Variants in XPOT observed in about 807,000 individuals in gnomAD.
XPOT encodes the protein exportin for tRNA, also known as exportin-T.
XPOT carries 34 observed loss-of-function variants against 128.2 expected under a neutral mutation model. The ratio of observed to expected loss-of-function variants is 0.27; its 90% CI spans 0.20 to 0.35. The LOEUF (loss-of-function observed/expected upper bound fraction) is 0.35, where lower values mean the gene tolerates loss of function less well. Ranked by LOEUF, XPOT falls within the 10% of genes least tolerant of loss-of-function variation. XPOT has a pLI of 1.00. For missense variants in XPOT, 838 were observed against 1,125.3 expected (o/e 0.74, Z 3.65); for synonymous variants, 348 against 394.3 (o/e 0.88, Z 1.39).
In XPOT at chr12:64,446,413, A is replaced by G. The variant is rs115111878; in HGVS notation, c.2862+1282A>G. 8.9e-3 allele frequency among the ~76,000 whole-genome samples: 1,357 copies of G among 152,262 alleles called. 19 individuals are homozygous for G. Among genetic ancestry groups the G allele is most frequent in the African/African-American group, 0.03 (1,266 of 41,556 alleles). ...GTGTTCACTCCTCCCTTCACATCTG[A>G]TTGATCCTCAGATCTTGCAGATTCT... On this transcript the variant is annotated intron_variant, in intron 24 of 24. Coordinates refer to ENST00000332707, the MANE Select transcript of XPOT (RefSeq NM_007235.6).
At chr12:64,409,768 T>G (rs1592523320) in intron 1 of XPOT, 194 bp from the exon 2 acceptor site, 3 of 400,326 alleles carry the variant, frequency 7.5e-6, no homozygotes, top group East Asian at 4.3e-5. Context: ...GAATTACACA[T>G]TAGTGGAGTA....
chr12:64,420,669 A>G (rs1472755835), intron 8 of XPOT, 148 bp downstream of exon 8: 3 of 606,478 alleles, frequency 4.9e-6, no homozygotes, highest in Non-Finnish European at 5.5e-6. Flanking sequence ...TCTAGCCAAA[A>G]TGTTCTCAGT....
intron 1 of XPOT, chr12:64,409,655 A>C (rs1387680881): frequency 5.9e-6 from 1 of 168,900 alleles, no homozygotes; most frequent in African/African-American, 2.4e-5. Context: ...GAATGGCGTG[A>C]ACCTGGGACA....
intron 1 of XPOT, among the ~76,000 whole-genome samples, chr12:64,405,919 C>T (rs1162464768): frequency 6.7e-6 from 1 of 149,934 alleles, no homozygotes; most frequent in East Asian, 2.0e-4. Context: ...CCCGGCCTTC[C>T]ACTGCATATT....
chr12:64,439,296 T>C lies in XPOT; in HGVS notation c.2786T>C (p.Val929Ala). The change falls in exon 23 of 25, where the codon GTA (valine) becomes GCA (alanine). Residue 929 changes from valine (V) to alanine (A), a missense_variant. Physicochemically the swap from Val to Ala is moderately conservative, Grantham distance 64 (BLOSUM62 0). Coordinates refer to ENST00000332707, the MANE Select transcript of XPOT (RefSeq NM_007235.6). ...CAAGAATACCTGCCCTCCTTGCAAG[T>C]AGCTCCAGAAATAATTCAGGTAAGA... is the stretch of plus-strand genomic sequence containing the variant. ...LQQEYLPSLQ[V>A]APEIIQEFCQ... 1 of 1,613,430 alleles carries C rather than the reference T, an allele frequency of 6.2e-7. No individual in the cohort carries two copies. The highest frequency in any genetic ancestry group is 8.5e-7 in the Non-Finnish European group (1 of 1,179,462).
At chr12:64,445,004 T>G (rs1260753648) in intron 23 of XPOT, 71 bp from the exon 24 acceptor site, 3 of 1,235,778 alleles carry the variant, frequency 2.4e-6, no homozygotes, top group Non-Finnish European at 3.4e-6. Context: ...AAAAAAAAAC[T>G]GGATACGAAT....
At chr12:64,446,530 G>T (rs1441932090) in intron 24 of XPOT, among the ~76,000 whole-genome samples, 1 of 151,894 alleles carries the variant, frequency 6.6e-6, no homozygotes, top group Non-Finnish European at 1.5e-5. Context: ...TAGCCAGGCT[G>T]ATGTGTTTGA....
chr12:64,412,293 G>A (rs2040045569), intron 2 of XPOT, among the ~76,000 whole-genome samples: 1 of 151,970 alleles, frequency 6.6e-6, no homozygotes, highest in African/African-American at 2.4e-5. Context: ...CCAAAGTGCT[G>A]GGATTACAGG....
At chr12:64,419,152 G>T in intron 6 of XPOT, 58 bp downstream of exon 6, 1 of 1,395,662 alleles carries the variant, frequency 7.2e-7, no homozygotes, top group Non-Finnish European at 9.9e-7. Context: ...GTGATAATGG[G>T]CACATAATAA....
intron 15 of XPOT, among the ~76,000 whole-genome samples, chr12:64,426,341 C>T (rs981355537): frequency 6.6e-6 from 1 of 150,604 alleles, no homozygotes; most frequent in Non-Finnish European, 1.5e-5. Flanking sequence ...ACACATACAT[C>T]ATGAAATACT....
chr12:64,420,342 C>T lies in XPOT; in HGVS notation c.675-11C>T. On this transcript the variant is annotated splice_polypyrimidine_tract_variant and intron_variant, in intron 7 of 24. Coordinates refer to ENST00000332707, the MANE Select transcript of XPOT (RefSeq NM_007235.6). Reference sequence around the variant, plus strand: ...TTTGAAAATGTTACAATTTTATTGTCCCATTACCAGGTTTATAAATATGCT... The same window carrying T: ...TTTGAAAATGTTACAATTTTATTGTTCCATTACCAGGTTTATAAATATGCT... 1.2e-6 allele frequency: 2 copies of T among 1,607,804 alleles called. No individual in the cohort carries two copies. Among genetic ancestry groups the T allele is most frequent in the Non-Finnish European group, 1.7e-6 (2 of 1,177,668 alleles).
intron 14 of XPOT, 62 bp from the exon 15 acceptor site, chr12:64,425,753 A>G: frequency 2.0e-6 from 3 of 1,509,828 alleles, no homozygotes; most frequent in Non-Finnish European, 2.8e-6. Flanking sequence ...AAAATGTAGC[A>G]GGACAATATC....
chr12:64,425,268 T>A, intron 13 of XPOT, 70 bp from the exon 14 acceptor site: 1 of 1,609,804 alleles, frequency 6.2e-7, no homozygotes, highest in Non-Finnish European at 8.5e-7. Flanking sequence ...GAGCTTAGTA[T>A]ATGTTAATAC....
At chr12:64,429,617 T>G (rs1174559069) in intron 16 of XPOT, among the ~76,000 whole-genome samples, 3 of 152,030 alleles carry the variant, frequency 2.0e-5, no homozygotes, top group Non-Finnish European at 4.4e-5. Context: ...ATTTTTGTAT[T>G]TTTAGTAGAG....
intron 3 of XPOT, among the ~76,000 whole-genome samples, chr12:64,415,223 A>T (rs1468478232): frequency 6.6e-6 from 1 of 151,870 alleles, no homozygotes; most frequent in East Asian, 1.9e-4. Context: ...TATATTGTGT[A>T]CCTGTCACCA....
At position 64,449,650 on chromosome 12, in the gene XPOT, T is replaced by TA. The variant is rs1440313985; in HGVS notation, c.*1520dup. Reference sequence around the variant, plus strand: ...CAGAAGACATTTCAAACATTTTTCTTACACCATATAATAAAAATACTTAAC... The same window carrying TA: ...CAGAAGACATTTCAAACATTTTTCTTAACACCATATAATAAAAATACTTAAC... On this transcript the variant is annotated 3_prime_UTR_variant, in exon 25 of 25. Transcript: ENST00000332707. 2.6e-5 allele frequency: 4 copies of TA among 152,350 alleles called. No homozygotes were observed. The highest frequency in any genetic ancestry group is 3.4e-3 in the Middle Eastern group (1 of 294). 9.4% of individuals were successfully genotyped at this position (152,350 alleles called of 1,614,324 possible).
chr12:64,425,596 T>C (rs1391630581), intron 14 of XPOT, 139 bp downstream of exon 14: 8 of 1,161,686 alleles, frequency 6.9e-6, no homozygotes, highest in Admixed American at 2.4e-5. Flanking sequence ...AAGTAACCCC[T>C]CCTCCATTTC....
chr12:64,407,876 T>C (rs1185467423), intron 1 of XPOT, among the ~76,000 whole-genome samples: 4 of 152,154 alleles, frequency 2.6e-5, no homozygotes, highest in Non-Finnish European at 2.9e-5. Context: ...GGCTGAGCTG[T>C]CTTCAAAGCT....
chr12:64,434,640 T>C lies in XPOT; in HGVS notation c.2569+17T>C, dbSNP rs1592337541. On this transcript the variant is annotated intron_variant, in intron 20 of 24. Transcript: ENST00000332707. ...AACTCTGGGGTAAGATAATTTTATTTCTTAACCTTCATTTCCCAAACTCTT... is the reference window on the plus strand; with the variant it reads ...AACTCTGGGGTAAGATAATTTTATTCCTTAACCTTCATTTCCCAAACTCTT... 2 of 1,599,730 alleles carry C rather than the reference T, an allele frequency of 1.3e-6. No homozygotes were observed. The highest frequency in any genetic ancestry group is 2.2e-5 in the South Asian group (2 of 90,732).
Sources: allele counts gnomAD v4.1 joint callset (sites outside exome capture counted in the v4.1 genomes callset), GRCh38; gene constraint gnomAD v4.1.1; transcripts MANE v1.5; gene names NCBI Gene and HGNC (gene_info 2026-07-23, HGNC 2026-07-21).